Variants in GDPD5 observed in about 807,000 individuals in gnomAD.
The protein encoded by GDPD5 is glycerophosphodiester phosphodiesterase domain containing 5, also known as glycerophosphodiester phosphodiesterase 2.
GDPD5 carries 48 observed loss-of-function variants against 75.1 expected under a neutral mutation model. The observed-to-expected ratio is 0.64, with a 90% confidence interval of 0.51 to 0.81. GDPD5 has a LOEUF of 0.81. GDPD5 is among the 40% of genes least tolerant of loss of function. The pLI, the probability that GDPD5 is intolerant of heterozygous loss-of-function variation, is 0.00. For missense variants in GDPD5, 706 were observed against 822.6 expected (o/e 0.86, Z 1.73); for synonymous variants, 336 against 339.0 (o/e 0.99, Z 0.10).
At chr11:75,457,460 T>G (rs531531509) in intron 5 of GDPD5, among the ~76,000 whole-genome samples, 3 of 152,368 alleles carry the variant, frequency 2.0e-5, no homozygotes, top group Admixed American at 1.3e-4. Flanking sequence ...ACTAGTGGCA[T>G]GAAATAGCTT....
At chr11:75,447,021 T>C (rs567110829) in intron 9 of GDPD5, among the ~76,000 whole-genome samples, 1 of 152,224 alleles carries the variant, frequency 6.6e-6, no homozygotes, top group South Asian at 2.1e-4. Flanking sequence ...GTAGCTGGGA[T>C]TACAGGCATG....
intron 15 of GDPD5, chr11:75,438,078 C>T (rs75655932): frequency 0.027 from 4,166 of 152,354 alleles, 92 homozygotes; most frequent in Non-Finnish European, 0.045. Context: ...GATGGACAGG[C>T]GGATGGATGG....
At chr11:75,502,796 C>G (rs1206417325) in intron 1 of GDPD5, among the ~76,000 whole-genome samples, 1 of 152,162 alleles carries the variant, frequency 6.6e-6, no homozygotes, top group Non-Finnish European at 1.5e-5. Flanking sequence ...TCTGAGACTG[C>G]CTTGCTGTGG....
chr11:75,437,029 G>A lies in GDPD5; in HGVS notation c.1576C>T (p.Arg526Trp), dbSNP rs140932082. Residue 526 changes from arginine to tryptophan, a missense_variant, in exon 16 of 17, where the codon CGG becomes TGG. Arg to Trp is a moderately radical substitution (Grantham distance 101, BLOSUM62 -3). Coordinates refer to ENST00000336898, the MANE Select transcript of GDPD5 (RefSeq NM_030792.8). ...ATGATCTGCTCAGGGTTGTAGCTCCGTATGCCACCCAGGCGCCACCTGCAG... is the reference window on the plus strand; with the variant it reads ...ATGATCTGCTCAGGGTTGTAGCTCCATATGCCACCCAGGCGCCACCTGCAG... The part of the protein sequence containing the change: ...VLQKWRLGGI[R>W]SYNPEQIMLS... 3.2e-4 allele frequency: 523 copies of A among 1,613,228 alleles called. No homozygotes were observed. Among genetic ancestry groups the A allele is most frequent in the Non-Finnish European group, 4.0e-4 (472 of 1,179,894 alleles).
intron 2 of GDPD5, among the ~76,000 whole-genome samples, chr11:75,488,133 GCCTCT>G (rs1190867296): frequency 6.6e-6 from 1 of 151,916 alleles, no homozygotes; most frequent in Admixed American, 6.6e-5. Context: ...CTAGTGACAG[GCCTCT>G]CCCCTCCCTG....
Position 75,449,900 on chromosome 11 carries a change from C to A in GDPD5, c.459G>T (p.Leu153=). 1.2e-6 allele frequency: 2 copies of A among 1,613,574 alleles called. No individual in the cohort carries two copies. Among genetic ancestry groups the A allele is most frequent in the South Asian group, 2.2e-5 (2 of 91,076 alleles). ...AQLWEDEWEV[L]LISLQGTAPF... ...CCTCACTCACCTGCAGGGAGATCAG[C>A]AGCACCTCCCACTCGTCCTCCCACA... The change falls in exon 7 of 17, where the codon CTG becomes CTT. Residue 153 remains leucine, a synonymous_variant. Coordinates refer to ENST00000336898, the MANE Select transcript of GDPD5 (RefSeq NM_030792.8).
chr11:75,443,137 T>C lies in GDPD5; in HGVS notation c.947A>G (p.Lys316Arg), dbSNP rs999984207. 4 of 1,600,152 alleles carry C rather than the reference T, an allele frequency of 2.5e-6. No homozygotes were observed. The highest frequency in any genetic ancestry group is 3.4e-6 in the Non-Finnish European group (4 of 1,173,272). The change falls in exon 11 of 17, where the codon AAG becomes AGG. Residue 316 changes from lysine (K) to arginine (R), a missense_variant and splice_region_variant. Physicochemically the swap from Lys to Arg is conservative, Grantham distance 26. Transcript: ENST00000336898. ...QRLNAGQWFL[K>R]TDPFWTASSL... ...GATTGGGATCAGGTGCAGCCAGACCTTCAGGAACCACTGGCCAGCGTTGAG... is the reference window on the plus strand; with the variant it reads ...GATTGGGATCAGGTGCAGCCAGACCCTCAGGAACCACTGGCCAGCGTTGAG...
chr11:75,517,175 T>TG (rs1025143092), intron 1 of GDPD5, among the ~76,000 whole-genome samples: 6 of 152,036 alleles, frequency 3.9e-5, no homozygotes, highest in Non-Finnish European at 5.9e-5. Flanking sequence ...GCTTTTAGGC[T>TG]GGGGGGCGGT....
At chr11:75,472,997 G>A (rs1231392640) in intron 3 of GDPD5, among the ~76,000 whole-genome samples, 1 of 151,978 alleles carries the variant, frequency 6.6e-6, no homozygotes, top group African/African-American at 2.4e-5. Flanking sequence ...AAGGGGCAGG[G>A]AGGAGAAAGA....
At chr11:75,493,285 C>T (rs935915941) in intron 1 of GDPD5, among the ~76,000 whole-genome samples, 3 of 150,094 alleles carry the variant, frequency 2.0e-5, no homozygotes, top group Admixed American at 6.6e-5. Context: ...TAAGAGTACA[C>T]AGGAGCCTCT....
At chr11:75,454,650 G>A (rs1277759109) in intron 6 of GDPD5, among the ~76,000 whole-genome samples, 2 of 152,236 alleles carry the variant, frequency 1.3e-5, no homozygotes, top group East Asian at 3.8e-4. Context: ...ATGCTTTAAT[G>A]CAGCGAAGAA....
intron 6 of GDPD5, chr11:75,451,147 C>T (rs1949139777): frequency 6.6e-6 from 1 of 152,268 alleles, no homozygotes; most frequent in Admixed American, 6.5e-5. Flanking sequence ...GCTCCCTACC[C>T]AGGGACCTTC....
At position 75,449,599 on chromosome 11, in the gene GDPD5, T is replaced by A; in HGVS notation, c.486A>T (p.Pro162=). ...CTGCCACAGCCCCCACATGCAGGAA[T>A]GGCGCTGTGCCCTGTTTGCAGGGAG... ...VLLISLQGTA[P]FLHVGAVAAV... The change falls in exon 8 of 17, where the codon CCA becomes CCT. Residue 162 remains proline (P), a synonymous_variant. Transcript: ENST00000336898. The A allele has an allele frequency of 2.5e-6, 4 of 1,579,924 alleles. No homozygotes were observed. Among genetic ancestry groups the A allele is most frequent in the Non-Finnish European group, 3.4e-6 (4 of 1,162,872 alleles).
chr11:75,511,099 C>G (rs1377861072), intron 1 of GDPD5, among the ~76,000 whole-genome samples: 1 of 152,200 alleles, frequency 6.6e-6, no homozygotes, highest in Non-Finnish European at 1.5e-5. Context: ...TCCTGGCACA[C>G]AGTAGATGTC....
At chr11:75,450,959 C>G (rs1949130380) in intron 6 of GDPD5, 1 of 152,430 alleles carries the variant, frequency 6.6e-6, no homozygotes, top group Admixed American at 6.5e-5. Context: ...CTGTCCTTCT[C>G]CCACAGCACT....
intron 1 of GDPD5, among the ~76,000 whole-genome samples, chr11:75,509,655 G>C (rs180954067): frequency 6.6e-6 from 1 of 152,268 alleles, no homozygotes; most frequent in East Asian, 1.9e-4. Flanking sequence ...AGAAGGCGGA[G>C]GCTCAGAGGC....
At chr11:75,461,193 C>A (rs1264164785) in intron 4 of GDPD5, among the ~76,000 whole-genome samples, 1 of 152,114 alleles carries the variant, frequency 6.6e-6, no homozygotes, top group Non-Finnish European at 1.5e-5. Flanking sequence ...ACTTGATGAT[C>A]TTCTAGGCAG....
chr11:75,493,566 C>T (rs1232883326), intron 1 of GDPD5, among the ~76,000 whole-genome samples: 2 of 151,918 alleles, frequency 1.3e-5, no homozygotes, highest in Non-Finnish European at 2.9e-5. Flanking sequence ...CGCCAGGCCT[C>T]TCCATTTCTC....
chr11:75,476,586 C>A (rs1949783389), intron 3 of GDPD5, among the ~76,000 whole-genome samples: 1 of 152,146 alleles, frequency 6.6e-6, no homozygotes, highest in Non-Finnish European at 1.5e-5. Context: ...TTGCCAGGGG[C>A]CTGCCCTGTG....
Sources: allele counts gnomAD v4.1 joint callset (sites outside exome capture counted in the v4.1 genomes callset), GRCh38; gene constraint gnomAD v4.1.1; transcripts MANE v1.5; gene names NCBI Gene and HGNC (gene_info 2026-07-23, HGNC 2026-07-21).